Variants in PPP2R3A observed in about 807,000 individuals in gnomAD.
PPP2R3A encodes protein phosphatase 2 regulatory subunit B''alpha.
A neutral mutation model predicts 106.9 loss-of-function variants in PPP2R3A; 80 were observed. That is an observed-to-expected ratio of 0.75 (90% CI 0.62 to 0.90). The LOEUF is 0.90. Ranked by LOEUF, PPP2R3A falls within the 40% of genes least tolerant of loss-of-function variation. The pLI is 0.00. For missense variants in PPP2R3A, 1,386 were observed against 1,350.4 expected (o/e 1.03, Z -0.41); for synonymous variants, 483 against 468.3 (o/e 1.03, Z -0.41).
intron 10 of PPP2R3A, among the ~76,000 whole-genome samples, chr3:136,091,468 A>G (rs1158576801): frequency 2.0e-5 from 3 of 152,100 alleles, no homozygotes; most frequent in African/African-American, 4.8e-5. Context: ...AATGTTTTAA[A>G]TAGCTGGGAA....
intron 13 of PPP2R3A, among the ~76,000 whole-genome samples, chr3:136,130,324 G>A (rs980697495): frequency 2.6e-5 from 4 of 152,242 alleles, no homozygotes; most frequent in Admixed American, 6.5e-5. Context: ...AAAGTCTCAG[G>A]ATACAAAATC....
At chr3:136,133,800 A>G (rs900369030) in intron 13 of PPP2R3A, among the ~76,000 whole-genome samples, 1 of 148,432 alleles carries the variant, frequency 6.7e-6, no homozygotes, top group Admixed American at 6.8e-5. Flanking sequence ...TTTTAAATAT[A>G]TGTATTTTTT....
chr3:135,982,785 A>G (rs183526245), intron 1 of PPP2R3A, among the ~76,000 whole-genome samples: 157 of 152,170 alleles, frequency 1.0e-3, no homozygotes, highest in African/African-American at 3.6e-3. Context: ...CCTGCAACAC[A>G]TGCATACACA....
chr3:136,056,965 AAATT>A (rs910298048), intron 5 of PPP2R3A, among the ~76,000 whole-genome samples: 1 of 152,202 alleles, frequency 6.6e-6, no homozygotes, highest in Non-Finnish European at 1.5e-5. Flanking sequence ...AGAGAAATGA[AAATT>A]AAAGCCATAA....
intron 1 of PPP2R3A, among the ~76,000 whole-genome samples, chr3:135,991,757 C>T (rs867034654): frequency 1.3e-5 from 2 of 152,160 alleles, no homozygotes; most frequent in South Asian, 2.1e-4. Flanking sequence ...CCAAGTTACC[C>T]AGCTAGTCAG....
intron 5 of PPP2R3A, among the ~76,000 whole-genome samples, chr3:136,059,432 C>G (rs1215319286): frequency 2.0e-5 from 3 of 152,036 alleles, no homozygotes; most frequent in Admixed American, 2.0e-4. Context: ...CAATGAGATA[C>G]CATCTCACAC....
intron 1 of PPP2R3A, among the ~76,000 whole-genome samples, chr3:136,000,082 C>T (rs571044002): frequency 3.9e-5 from 6 of 152,300 alleles, no homozygotes; most frequent in African/African-American, 1.4e-4. Flanking sequence ...CCTCCTTCCT[C>T]TAGTCTTTCA....
intron 2 of PPP2R3A, among the ~76,000 whole-genome samples, chr3:136,019,178 G>C (rs184125908): frequency 1.3e-5 from 2 of 152,308 alleles, no homozygotes; most frequent in East Asian, 3.9e-4. Flanking sequence ...GTTCCTACTG[G>C]TGGTAATCAG....
rs537186077 is a variant in PPP2R3A, at chr3:136,120,135, G to A, written c.3329+13813G>A. Among the ~76,000 whole-genome samples the A allele has an allele frequency of 4.7e-3, 718 of 151,836 alleles. 2 individuals carry two copies. The highest frequency in any genetic ancestry group is 8.5e-3 in the Non-Finnish European group (577 of 67,914). On this transcript the variant is annotated intron_variant, in intron 13 of 13. Transcript: ENST00000264977. ...ACCTTAACATATCCAGGCCTGTCCG[G>A]GGGGGGTGGGGGCTAGGGGAGTGAT...
intron 3 of PPP2R3A, among the ~76,000 whole-genome samples, chr3:136,035,734 G>A (rs948806300): frequency 2.2e-4 from 33 of 152,276 alleles, no homozygotes; most frequent in African/African-American, 7.2e-4. Context: ...GAATTTCCCA[G>A]ATGTTCTTTG....
chr3:136,045,076 A>G (rs1576458741), intron 4 of PPP2R3A, among the ~76,000 whole-genome samples: 2 of 152,250 alleles, frequency 1.3e-5, no homozygotes, highest in Admixed American at 1.3e-4. Flanking sequence ...ACCTGGAGAG[A>G]GCAGGGCTGT....
At chr3:136,053,916 C>T (rs1935768552) in intron 5 of PPP2R3A, among the ~76,000 whole-genome samples, 1 of 151,894 alleles carries the variant, frequency 6.6e-6, no homozygotes. Context: ...CATGAATGGA[C>T]AACCAGGTAT....
At chr3:136,072,368 G>C (rs545725447) in intron 6 of PPP2R3A, among the ~76,000 whole-genome samples, 1 of 152,294 alleles carries the variant, frequency 6.6e-6, no homozygotes, top group African/African-American at 2.4e-5. Context: ...GAGGCAGACA[G>C]ATTACTTGAG....
At position 136,026,914 on chromosome 3, in the gene PPP2R3A, C is replaced by T. The variant is rs779347304; in HGVS notation, c.2078C>T (p.Pro693Leu). 3.0e-5 allele frequency: 49 copies of T among 1,613,228 alleles called. No individual in the cohort carries two copies. The highest frequency in any genetic ancestry group is 6.7e-5 in the African/African-American group (5 of 74,872). ...CCAAGTAGTCCCCGACCTCTCTCCC[C>T]GGTTCCCCATGTGAATAATGTTGTG... ...TSPSSPRPLSPVPHVNNVVNA... is the reference protein window; with the variant it reads ...TSPSSPRPLSLVPHVNNVVNA... The change falls in exon 3 of 14, where the codon CCG becomes CTG. Residue 693 changes from proline to leucine, a missense_variant. By Grantham distance (98) the Pro-to-Leu change is moderately conservative. Coordinates refer to ENST00000264977, the MANE Select transcript of PPP2R3A (RefSeq NM_002718.5).
At chr3:136,091,471 G>T (rs1352524290) in intron 10 of PPP2R3A, among the ~76,000 whole-genome samples, 1 of 152,090 alleles carries the variant, frequency 6.6e-6, no homozygotes, top group African/African-American at 2.4e-5. Context: ...GTTTTAAATA[G>T]CTGGGAATGG....
chr3:135,986,744 A>G (rs1294694972), intron 1 of PPP2R3A, among the ~76,000 whole-genome samples: 1 of 152,032 alleles, frequency 6.6e-6, no homozygotes, highest in South Asian at 2.1e-4. Flanking sequence ...GAACTACCCT[A>G]AGTGCTTTAT....
chr3:136,001,424 A>C lies in PPP2R3A; in HGVS notation c.-75A>C. 2 of 1,209,892 alleles carry C rather than the reference A, an allele frequency of 1.7e-6. No individual in the cohort carries two copies. The highest frequency in any genetic ancestry group is 4.7e-5 in the East Asian group (2 of 42,682). The allele number at this position is 1,209,892 out of a possible 1,614,324, so 74.9% of individuals were successfully genotyped here. ...TTGTTATTAAATATATTTTCAGCTA[A>C]CTGTCATTTAGGAGAATTTTCATGA... On this transcript the variant is annotated 5_prime_UTR_variant, in exon 2 of 14. An upstream open reading frame in the 5' UTR loses its in-frame stop. Transcript: ENST00000264977.
At chr3:136,045,370 C>T (rs148713097) in intron 4 of PPP2R3A, among the ~76,000 whole-genome samples, 1 of 152,340 alleles carries the variant, frequency 6.6e-6, no homozygotes, top group Non-Finnish European at 1.5e-5. Context: ...TCCAGGAGTG[C>T]CAAGCTGAGA....
chr3:136,092,197 A>T (rs116130301), intron 10 of PPP2R3A, among the ~76,000 whole-genome samples: 202 of 152,244 alleles, frequency 1.3e-3, no homozygotes, highest in African/African-American at 4.7e-3. Context: ...AGGCGTGGTG[A>T]TACATGCCTA....
Sources: allele counts gnomAD v4.1 joint callset (sites outside exome capture counted in the v4.1 genomes callset), GRCh38; gene constraint gnomAD v4.1.1; transcripts MANE v1.5; gene names NCBI Gene and HGNC (gene_info 2026-07-23, HGNC 2026-07-21).